SPMAP2L: variants seen among roughly 807,000 people sequenced by gnomAD.
SPMAP2L encodes sperm microtubule associated protein 2 like, also known as sperm microtubule associated protein 2-like.
At chr4:56,621,356 A>G in the SPMAP2L span, among the ~76,000 whole-genome samples, 1 of 152,300 alleles carries the variant, frequency 6.6e-6, no homozygotes, top group Admixed American at 6.5e-5. Flanking sequence ...GATCTCCAAA[A>G]ACTTGTTCTT....
the SPMAP2L span, chr4:56,575,554 ACTC>A: frequency 6.5e-7 from 1 of 1,535,326 alleles, no homozygotes; most frequent in South Asian, 1.2e-5. Flanking sequence ...TTGGGAGATC[ACTC>A]CTCCTGCATT....
the SPMAP2L span, chr4:56,593,897 G>C: frequency 6.2e-7 from 1 of 1,609,892 alleles, no homozygotes; most frequent in East Asian, 2.2e-5. Flanking sequence ...AGTACATAAT[G>C]CCACTTTGAT....
chr4:56,602,263 G>C, the SPMAP2L span, among the ~76,000 whole-genome samples: 1 of 152,142 alleles, frequency 6.6e-6, no homozygotes, highest in Non-Finnish European at 1.5e-5. Flanking sequence ...GGCAGAAAAA[G>C]TTGTGGAAGT....
the SPMAP2L span, among the ~76,000 whole-genome samples, chr4:56,590,153 A>G: frequency 6.6e-6 from 1 of 152,178 alleles, no homozygotes; most frequent in African/African-American, 2.4e-5. Flanking sequence ...TGAGTTTGTC[A>G]TAGAGGGCTC....
the SPMAP2L span, among the ~76,000 whole-genome samples, chr4:56,620,315 A>T: frequency 6.6e-6 from 1 of 152,106 alleles, no homozygotes; most frequent in East Asian, 1.9e-4. Flanking sequence ...GTTCCAAAAG[A>T]GATTTTTGGT....
chr4:56,550,702 C>T, the SPMAP2L span, among the ~76,000 whole-genome samples: 2 of 152,162 alleles, frequency 1.3e-5, no homozygotes, highest in African/African-American at 4.8e-5. Flanking sequence ...TTATTTCTTA[C>T]TGCTTCTTGT....
At chr4:56,561,448 G>A in the SPMAP2L span, among the ~76,000 whole-genome samples, 1 of 152,164 alleles carries the variant, frequency 6.6e-6, no homozygotes, top group Non-Finnish European at 1.5e-5. Context: ...CATCTGCTCG[G>A]CTTCTGGTGA....
At chr4:56,554,040 A>G in the SPMAP2L span, among the ~76,000 whole-genome samples, 1 of 150,858 alleles carries the variant, frequency 6.6e-6, no homozygotes, top group Non-Finnish European at 1.5e-5. Context: ...TTAAGATTAT[A>G]TTCTATTGAT....
At chr4:56,617,937 T>C in the SPMAP2L span, among the ~76,000 whole-genome samples, 1 of 152,208 alleles carries the variant, frequency 6.6e-6, no homozygotes, top group Non-Finnish European at 1.5e-5. Flanking sequence ...CCAGTGCTTG[T>C]TGGCGTGCTC....
the SPMAP2L span, among the ~76,000 whole-genome samples, chr4:56,606,405 G>C: frequency 6.6e-6 from 1 of 152,254 alleles, no homozygotes; most frequent in African/African-American, 2.4e-5. Flanking sequence ...ACCCAAGTCA[G>C]CCACACCCAT....
chr4:56,600,895 T>C, the SPMAP2L span: 25 of 1,510,366 alleles, frequency 1.7e-5, no homozygotes, highest in Non-Finnish European at 2.2e-5. Flanking sequence ...AAATGTAAAA[T>C]TTGGGATATA....
chr4:56,617,050 G>A, the SPMAP2L span, among the ~76,000 whole-genome samples: 3 of 152,244 alleles, frequency 2.0e-5, no homozygotes, highest in Admixed American at 6.5e-5. Flanking sequence ...GGAACCCTAT[G>A]TATACATCAT....
At chr4:56,558,786 C>A in the SPMAP2L span, among the ~76,000 whole-genome samples, 1 of 152,062 alleles carries the variant, frequency 6.6e-6, no homozygotes, top group African/African-American at 2.4e-5. Flanking sequence ...TTTTTTCATC[C>A]TTTTATGATG....
At chr4:56,559,899 G>A in the SPMAP2L span, among the ~76,000 whole-genome samples, 3 of 152,064 alleles carry the variant, frequency 2.0e-5, no homozygotes, top group Non-Finnish European at 4.4e-5. Context: ...AATGGACATA[G>A]AGCTTTTATC....
At chr4:56,580,085 C>A in the SPMAP2L span, among the ~76,000 whole-genome samples, 2 of 152,050 alleles carry the variant, frequency 1.3e-5, no homozygotes, top group Middle Eastern at 6.3e-3. Flanking sequence ...TTGTATTATC[C>A]TGATAATAAA....
the SPMAP2L span, among the ~76,000 whole-genome samples, chr4:56,623,619 G>A: frequency 5.9e-5 from 9 of 152,276 alleles, no homozygotes; most frequent in African/African-American, 1.9e-4. Flanking sequence ...AGGAGGTAAC[G>A]GAATCATGGG....
chr4:56,588,122 G>A, the SPMAP2L span, among the ~76,000 whole-genome samples: 3 of 152,118 alleles, frequency 2.0e-5, no homozygotes, highest in Non-Finnish European at 4.4e-5. Flanking sequence ...ATCTTCTTTT[G>A]AGAATTGTCT....
chr4:56,583,116 A>C, the SPMAP2L span, among the ~76,000 whole-genome samples: 1 of 152,032 alleles, frequency 6.6e-6, no homozygotes, highest in African/African-American at 2.4e-5. Context: ...CTACTAAAAA[A>C]TACAAAAATT....
chr4:56,570,831 T>G, the SPMAP2L span, among the ~76,000 whole-genome samples: 1 of 152,136 alleles, frequency 6.6e-6, no homozygotes, highest in African/African-American at 2.4e-5. Context: ...TGAGACAGGC[T>G]CTTGCTCTTT....
Sources: allele counts gnomAD v4.1 joint callset (sites outside exome capture counted in the v4.1 genomes callset), GRCh38; gene constraint gnomAD v4.1.1; transcripts MANE v1.5; gene names NCBI Gene and HGNC (gene_info 2026-07-23, HGNC 2026-07-21).